RALGAPA1: variants seen among roughly 807,000 people sequenced by gnomAD.
RALGAPA1 encodes the protein Ral GTPase activating protein catalytic subunit alpha 1, also known as ral GTPase-activating protein subunit alpha-1.
Under a neutral mutation model 269.6 loss-of-function variants are expected in RALGAPA1, and 52 were observed. The ratio of observed to expected loss-of-function variants is 0.19; its 90% CI spans 0.15 to 0.24. The LOEUF is 0.24. Among genes scored for constraint, RALGAPA1 ranks in the 10% least tolerant of loss-of-function variants. The pLI, the probability that RALGAPA1 is intolerant of heterozygous loss-of-function variation, is 1.00. For synonymous variants in RALGAPA1, 817 were observed against 1,008.3 expected (o/e 0.81, Z 3.60); for missense variants, 1,917 against 3,013.9 (o/e 0.64, Z 8.52).
At position 35,808,706 on chromosome 14, in the gene RALGAPA1, G is replaced by A. The variant is rs1042014008; in HGVS notation, c.106+24C>T. 2.5e-6 allele frequency: 4 copies of A among 1,600,582 alleles called. No individual in the cohort carries two copies. In the African/African-American group the frequency reaches 5.4e-5, roughly 21 times the overall value. ...GGAAGGCCGGGCAACCCAGGCCTCG[G>A]CGCTGCCACCCCTCGCTCCTCACCG... is the stretch of plus-strand genomic sequence containing the variant. On this transcript the variant is annotated intron_variant, in intron 1 of 41. Coordinates refer to ENST00000680220, the MANE Select transcript of RALGAPA1 (RefSeq NM_001346249.2).
intron 35 of RALGAPA1, among the ~76,000 whole-genome samples, chr14:35,621,712 C>G (rs1031151671): frequency 5.3e-5 from 8 of 152,162 alleles, no homozygotes; most frequent in Non-Finnish European, 1.5e-5. Context: ...AGGATATGAA[C>G]AGACACTTCT....
chr14:35,684,891 A>C, intron 20 of RALGAPA1, 38 bp downstream of exon 20: 1 of 1,576,520 alleles, frequency 6.3e-7, no homozygotes, highest in South Asian at 1.2e-5. Flanking sequence ...GAAGACAATC[A>C]ACATAAAACA....
chr14:35,786,451 T>C (rs930219541), intron 1 of RALGAPA1, among the ~76,000 whole-genome samples: 2 of 151,732 alleles, frequency 1.3e-5, no homozygotes, highest in African/African-American at 4.8e-5. Context: ...ATCGAGACCA[T>C]CCCGGCTAAC....
intron 17 of RALGAPA1, among the ~76,000 whole-genome samples, chr14:35,699,236 T>C (rs1011953344): frequency 6.6e-6 from 1 of 152,192 alleles, no homozygotes; most frequent in Non-Finnish European, 1.5e-5. Context: ...ATCATTTTAT[T>C]TATGCCAAAA....
chr14:35,775,748 G>A lies in RALGAPA1; in HGVS notation c.107-3C>T. On this transcript the variant is annotated splice_polypyrimidine_tract_variant and splice_region_variant and intron_variant, in intron 1 of 41. Transcript: ENST00000680220. ...AAGATCAATAGATTCTGCATTCTCT[G>A]AAAAATAAAAAAAAATTACTGATTA... The A allele has an allele frequency of 1.3e-6, 2 of 1,516,424 alleles. No individual in the cohort carries two copies. Among genetic ancestry groups the A allele is most frequent in the Non-Finnish European group, 1.8e-6 (2 of 1,140,230 alleles). The allele number at this position is 1,516,424 out of a possible 1,614,324, so 93.9% of individuals were successfully genotyped here.
intron 31 of RALGAPA1, among the ~76,000 whole-genome samples, chr14:35,649,614 C>G (rs1234041099): frequency 2.0e-5 from 3 of 152,194 alleles, no homozygotes; most frequent in Non-Finnish European, 4.4e-5. Context: ...ATTCATACCA[C>G]TTGGAATAAT....
chr14:35,703,930 T>C (rs1160023657), intron 16 of RALGAPA1, among the ~76,000 whole-genome samples: 1 of 151,844 alleles, frequency 6.6e-6, no homozygotes, highest in Middle Eastern at 3.2e-3. Flanking sequence ...ACTTGCACTC[T>C]AGAGTTTCCG....
At chr14:35,584,502 A>G (rs2058152230) in intron 37 of RALGAPA1, among the ~76,000 whole-genome samples, 1 of 152,152 alleles carries the variant, frequency 6.6e-6, no homozygotes, top group African/African-American at 2.4e-5. Flanking sequence ...TGGGCTCAAC[A>G]GATCTGCCAG....
intron 40 of RALGAPA1, among the ~76,000 whole-genome samples, chr14:35,548,776 A>T (rs1178186708): frequency 6.6e-6 from 1 of 152,158 alleles, no homozygotes; most frequent in African/African-American, 2.4e-5. Context: ...TCTTGGCCAC[A>T]AAATTTGATC....
intron 39 of RALGAPA1, among the ~76,000 whole-genome samples, chr14:35,561,338 TAG>T (rs2139298733): frequency 1.3e-5 from 2 of 150,574 alleles, no homozygotes; most frequent in South Asian, 4.2e-4. Flanking sequence ...AAAAATATAC[TAG>T]AGTCACTGTA....
intron 21 of RALGAPA1, 105 bp from the exon 22 acceptor site, chr14:35,678,207 A>G (rs2065124961): frequency 5.4e-6 from 6 of 1,102,512 alleles, no homozygotes; most frequent in Non-Finnish European, 7.6e-6. Context: ...ACCAAAAGAT[A>G]AAACCAGTTA....
intron 26 of RALGAPA1, among the ~76,000 whole-genome samples, chr14:35,669,292 T>A (rs925633776): frequency 6.6e-6 from 1 of 152,172 alleles, no homozygotes; most frequent in African/African-American, 2.4e-5. Flanking sequence ...TTCGCTCTTG[T>A]TGCCCAGGCT....
At chr14:35,788,359 C>T (rs2075941295) in intron 1 of RALGAPA1, among the ~76,000 whole-genome samples, 1 of 152,124 alleles carries the variant, frequency 6.6e-6, no homozygotes, top group African/African-American at 2.4e-5. Flanking sequence ...CTTAAGGTTC[C>T]TATGAAAAGT....
At chr14:35,694,389 T>C (rs17103465) in intron 17 of RALGAPA1, among the ~76,000 whole-genome samples, 1,630 of 152,260 alleles carry the variant, frequency 0.011, 28 homozygotes, top group African/African-American at 0.037. Flanking sequence ...TTTTGTCTAT[T>C]TGGGCAACAA....
At chr14:35,543,373 G>T (rs1227482383) in intron 41 of RALGAPA1, among the ~76,000 whole-genome samples, 1 of 152,074 alleles carries the variant, frequency 6.6e-6, no homozygotes, top group African/African-American at 2.4e-5. Context: ...GAAACGAAGG[G>T]ATAGAAATGA....
chr14:35,571,540 C>T (rs1192957046), intron 38 of RALGAPA1, among the ~76,000 whole-genome samples: 1 of 151,878 alleles, frequency 6.6e-6, no homozygotes, highest in Non-Finnish European at 1.5e-5. Context: ...CTGGGCATGG[C>T]GGCAGGCACC....
At chr14:35,556,211 T>C (rs1414945433) in intron 39 of RALGAPA1, among the ~76,000 whole-genome samples, 1 of 152,188 alleles carries the variant, frequency 6.6e-6, no homozygotes. Context: ...ATTTTGCAAG[T>C]ACATCTCAAG....
intron 17 of RALGAPA1, among the ~76,000 whole-genome samples, chr14:35,696,306 T>A (rs1352660657): frequency 6.6e-6 from 1 of 151,980 alleles, no homozygotes; most frequent in African/African-American, 2.4e-5. Context: ...CCCAGCTACA[T>A]GGGAGGCTGA....
chr14:35,597,087 T>A (rs2058973093), intron 36 of RALGAPA1, among the ~76,000 whole-genome samples: 3 of 152,196 alleles, frequency 2.0e-5, no homozygotes. Flanking sequence ...GGTTGTTTTC[T>A]GTCTTTTGCT....
Sources: gnomAD v4.1 joint callset for allele counts (sites outside exome capture counted in the v4.1 genomes callset) on GRCh38, gnomAD v4.1.1 for gene constraint, MANE v1.5 for transcripts, NCBI Gene and HGNC (gene_info 2026-07-23, HGNC 2026-07-21) for gene names.